MEIOC: variants seen among roughly 807,000 people sequenced by gnomAD.
The protein encoded by MEIOC is meiosis specific with coiled-coil domain.
In MEIOC, 9 loss-of-function variants were observed where a neutral mutation model predicts 85.3. The ratio of observed to expected loss-of-function variants is 0.11; its 90% CI spans 0.06 to 0.18. MEIOC has a LOEUF of 0.18. Ranked by LOEUF, MEIOC falls within the 10% of genes least tolerant of loss-of-function variation. The pLI, the probability that MEIOC is intolerant of heterozygous loss-of-function variation, is 1.00. For missense variants in MEIOC, 898 were observed against 1,129.4 expected (o/e 0.80, Z 2.94); for synonymous variants, 365 against 393.7 (o/e 0.93, Z 0.86).
intron 3 of MEIOC, among the ~76,000 whole-genome samples, chr17:44,663,268 T>TGA (rs1971862971): frequency 1.6e-4 from 23 of 147,890 alleles, no homozygotes; most frequent in Non-Finnish European, 3.3e-4. Flanking sequence ...CTTTATAATC[T>TGA]TGATGATGAT....
chr17:44,673,923 C>A, intron 7 of MEIOC, 53 bp from the exon 8 acceptor site: 1 of 1,519,920 alleles, frequency 6.6e-7, no homozygotes, highest in Non-Finnish European at 8.9e-7. Context: ...TAAGATTTAA[C>A]AGATATTTAA....
chr17:44,677,044 G>A, downstream of MEIOC: 1 of 737,254 alleles, frequency 1.4e-6, no homozygotes, highest in Non-Finnish European at 1.7e-6. Flanking sequence ...ACCCTTCAGG[G>A]GACCGTGGAT....
intron 4 of MEIOC, 79 bp downstream of exon 4, chr17:44,665,567 T>G (rs1971892611): frequency 1.7e-6 from 1 of 587,556 alleles, no homozygotes; most frequent in Admixed American, 4.1e-5. Flanking sequence ...TAACTTTTAT[T>G]TTTACTTAAT....
At chr17:44,657,051 CAG>C in intron 1 of MEIOC, 74 bp from the exon 2 acceptor site, 1 of 1,469,214 alleles carries the variant, frequency 6.8e-7, no homozygotes, top group Non-Finnish European at 9.1e-7. Flanking sequence ...CGAGGTAGAA[CAG>C]GTGTCGGGCC....
rs760157460 is a variant in MEIOC, at chr17:44,666,659, A to G, written c.748A>G (p.Ile250Val). Reference sequence around the variant, plus strand: ...AAGTGATCATTCTAACTGTCACAATATTCAGACAAATGATACAGCTAAGAC... The same window carrying G: ...AAGTGATCATTCTAACTGTCACAATGTTCAGACAAATGATACAGCTAAGAC... ...SRSDHSNCHN[I>V]QTNDTAKTTF... Residue 250 changes from isoleucine to valine, a missense_variant, in exon 5 of 8, where the codon ATT becomes GTT. By Grantham distance (29) the Ile-to-Val change is conservative. Coordinates refer to ENST00000409122, the MANE Select transcript of MEIOC (RefSeq NM_001145080.3). 1.9e-6 allele frequency: 3 copies of G among 1,612,044 alleles called. No individual in the cohort carries two copies. The highest frequency in any genetic ancestry group is 2.7e-5 in the African/African-American group (2 of 74,928).
Position 44,674,626 on chromosome 17 carries a change from A to G in MEIOC, c.*430A>G. ...CGGCTACAGCCTAGTAACCAAGACA[A>G]GTTTTGATTGTGATATCAAAGTGTT... On this transcript the variant is annotated 3_prime_UTR_variant, in exon 8 of 8. Transcript: ENST00000409122. The G allele has an allele frequency of 1.0e-6, 1 of 988,784 alleles. No individual in the cohort carries two copies. The highest frequency in any genetic ancestry group is 1.2e-6 in the Non-Finnish European group (1 of 831,662). 61.3% of individuals were successfully genotyped at this position (988,784 alleles called of 1,614,324 possible).
chr17:44,660,999 C>T lies in MEIOC; in HGVS notation c.205-1318C>T, dbSNP rs138542450. Among the ~76,000 whole-genome samples the T allele has an allele frequency of 3.3e-3, 506 of 151,954 alleles. 3 individuals carry two copies. The highest frequency in any genetic ancestry group is 0.011 in the African/African-American group (473 of 41,488). ...TCAGGTTCATTACAGAAGCATTCAC[C>T]GAGGCTGGGTGCAATGGCTCACGCC... is the stretch of plus-strand genomic sequence containing the variant. On this transcript the variant is annotated intron_variant, in intron 2 of 7. Coordinates refer to ENST00000409122, the MANE Select transcript of MEIOC (RefSeq NM_001145080.3).
intron 1 of MEIOC, 71 bp from the exon 2 acceptor site, chr17:44,657,056 G>A: frequency 6.7e-7 from 1 of 1,493,026 alleles, no homozygotes; most frequent in Non-Finnish European, 9.0e-7. Context: ...TAGAACAGGT[G>A]TCGGGCCGTT....
chr17:44,665,048 A>T, intron 3 of MEIOC: 2 of 746,584 alleles, frequency 2.7e-6, no homozygotes, highest in Non-Finnish European at 3.3e-6. Flanking sequence ...AGGAGCAGCT[A>T]TGATACCAAG....
intron 2 of MEIOC, among the ~76,000 whole-genome samples, chr17:44,657,934 C>T (rs1971788265): frequency 6.6e-6 from 1 of 151,956 alleles, no homozygotes; most frequent in Non-Finnish European, 1.5e-5. Flanking sequence ...TCACTGCAAC[C>T]TCTGTCTCCC....
Position 44,673,463 on chromosome 17 carries a change from T to A in MEIOC, c.2555T>A (p.Ile852Asn). The stretch of plus-strand genomic sequence containing the variant: ...GATAGACACTTGGAGTCTATTCACA[T>A]TGTACAGTCACGTAGAAAGGATGAA... The part of the protein sequence containing the change: ...ALDRHLESIH[I>N]VQSRRKDEIV... The change falls in exon 7 of 8, where the codon ATT becomes AAT. Residue 852 changes from isoleucine (I) to asparagine (N), a missense_variant. Ile to Asn is a moderately radical substitution (Grantham distance 149, BLOSUM62 -3). Coordinates refer to ENST00000409122, the MANE Select transcript of MEIOC (RefSeq NM_001145080.3). The A allele has an allele frequency of 6.4e-7, 1 of 1,551,810 alleles. No homozygotes were observed. The highest frequency in any genetic ancestry group is 8.7e-7 in the Non-Finnish European group (1 of 1,146,978).
chr17:44,668,005 T>C lies in MEIOC; in HGVS notation c.2094T>C (p.His698=). The part of the protein sequence containing the change: ...FPLRSTHPFG[H]SVVPLLDSYD... ...TAAGATCCACCCACCCATTTGGCCA[T>C]TCAGTTGTTCCACTGTTGGATTCCT... Residue 698 remains histidine, a synonymous_variant, in exon 5 of 8, where the codon CAT becomes CAC. Transcript: ENST00000409122. 1 of 1,613,792 alleles carries C rather than the reference T, an allele frequency of 6.2e-7. No homozygotes were observed. Among genetic ancestry groups the C allele is most frequent in the Non-Finnish European group, 8.5e-7 (1 of 1,179,748 alleles).
In MEIOC at chr17:44,674,889, C is replaced by T; in HGVS notation, c.*693C>T. The T allele has an allele frequency of 1.0e-5, 10 of 970,552 alleles. No individual in the cohort carries two copies. Among genetic ancestry groups the T allele is most frequent in the Non-Finnish European group, 1.2e-5 (10 of 816,496 alleles). The allele number at this position is 970,552 out of a possible 1,614,324, so 60.1% of individuals were successfully genotyped here. On this transcript the variant is annotated 3_prime_UTR_variant, in exon 8 of 8. Transcript: ENST00000409122. ...CCTATTCAGATCATTTGTGTATATT[C>T]TTTAAATTTTAATTATATTATCAAT...
chr17:44,673,647 CACTT>C, intron 7 of MEIOC, 101 bp downstream of exon 7: 1 of 944,426 alleles, frequency 1.1e-6, no homozygotes, highest in Non-Finnish European at 1.5e-6. Flanking sequence ...CTAAAATTAA[CACTT>C]ACCTACAGAA....
intron 6 of MEIOC, 49 bp from the exon 7 acceptor site, chr17:44,673,317 A>T: frequency 1.5e-6 from 2 of 1,362,400 alleles, no homozygotes; most frequent in South Asian, 1.5e-5. Context: ...GTTTTTACTT[A>T]AGTTAATGGC....
intron 6 of MEIOC, among the ~76,000 whole-genome samples, chr17:44,672,356 C>T (rs1348892253): frequency 2.6e-5 from 4 of 152,080 alleles, no homozygotes; most frequent in Non-Finnish European, 5.9e-5. Context: ...TTAGTAGTTC[C>T]CTGGAGGTTT....
intron 7 of MEIOC, 185 bp downstream of exon 7, chr17:44,673,731 A>T: frequency 1.4e-6 from 1 of 730,340 alleles, no homozygotes; most frequent in Non-Finnish European, 2.2e-6. Flanking sequence ...TGTCTGTTAT[A>T]ACTGTTTCAA....
Position 44,674,966 on chromosome 17 carries a change from C to A in MEIOC, c.*770C>A. 1.0e-6 allele frequency: 1 copy of A among 979,778 alleles called. No individual in the cohort carries two copies. The highest frequency in any genetic ancestry group is 1.2e-6 in the Non-Finnish European group (1 of 824,958). The allele number at this position is 979,778 out of a possible 1,614,324, so 60.7% of individuals were successfully genotyped here. ...ATTTAAATTGAATCACAAAACATTCCCTTTATCTGGATCTTTTAGACTTGA... is the reference window on the plus strand; with the variant it reads ...ATTTAAATTGAATCACAAAACATTCACTTTATCTGGATCTTTTAGACTTGA... On this transcript the variant is annotated 3_prime_UTR_variant, in exon 8 of 8. Transcript: ENST00000409122.
chr17:44,657,542 T>G (rs996285759), intron 2 of MEIOC, among the ~76,000 whole-genome samples: 2 of 150,834 alleles, frequency 1.3e-5, no homozygotes, highest in Non-Finnish European at 1.5e-5. Context: ...CTGTTTTTTT[T>G]GTTTGTTTTG....
Sources: allele counts gnomAD v4.1 joint callset (sites outside exome capture counted in the v4.1 genomes callset), GRCh38; gene constraint gnomAD v4.1.1; transcripts MANE v1.5; gene names NCBI Gene and HGNC (gene_info 2026-07-23, HGNC 2026-07-21).